The following ANKMY1 variants were observed in gnomAD, a reference collection of about 807,000 sequenced individuals.
ANKMY1 encodes the protein ankyrin repeat and MYND domain-containing protein 1.
A neutral mutation model predicts 102.0 loss-of-function variants in ANKMY1; 98 were observed. The ratio of observed to expected loss-of-function variants is 0.96; its 90% CI spans 0.82 to 1.14. The LOEUF (loss-of-function observed/expected upper bound fraction) is 1.14. Among genes scored for constraint, ANKMY1 ranks in the 50% most tolerant of loss-of-function variants. The probability of loss-of-function intolerance (pLI) is 0.00; values close to 1 mark genes in which losing one functional copy is unlikely to be tolerated. For synonymous variants in ANKMY1, 582 were observed against 559.9 expected (o/e 1.04, Z -0.56); for missense variants, 1,330 against 1,347.6 (o/e 0.99, Z 0.20).
intron 7 of ANKMY1, 119 bp from the exon 8 acceptor site, chr2:240,524,500 T>G: frequency 8.6e-7 from 1 of 1,161,720 alleles, no homozygotes; most frequent in Non-Finnish European, 1.2e-6. Context: ...GCAGCTAGGC[T>G]GAAAAGACCA....
At position 240,552,995 on chromosome 2, in the gene ANKMY1, A is replaced by G; in HGVS notation, c.399T>C (p.Asp133=). The G allele has an allele frequency of 6.2e-7, 1 of 1,614,076 alleles. No homozygotes were observed. Among genetic ancestry groups the G allele is most frequent in the East Asian group, 2.2e-5 (1 of 44,874 alleles). ...CHGLGTYMWP[D]GSSFTGTFYL... ...AAAATGTGCCCGTGAAACTGGAGCC[A>G]TCTGGCCACATGTAGGTACCCAGGC... Residue 133 remains aspartate (D), a synonymous_variant, in exon 4 of 18, where the codon GAT becomes GAC. Transcript: ENST00000401804.
Position 240,523,989 on chromosome 2 carries a change from C to G in ANKMY1, c.1728G>C (p.Glu576Asp). The change falls in exon 8 of 18, where the codon GAG becomes GAC. Residue 576 changes from glutamate to aspartate, a missense_variant. Glu to Asp is a conservative substitution (Grantham distance 45). Transcript: ENST00000401804. ...FSIELSQAMLERSAQSHSLLK... is the reference protein window; with the variant it reads ...FSIELSQAMLDRSAQSHSLLK... ...GCAAGCTGTGGGACTGGGCGCTTCTCTCCAGCATGGCCTGCGAGAGCTCGA... is the reference window on the plus strand; with the variant it reads ...GCAAGCTGTGGGACTGGGCGCTTCTGTCCAGCATGGCCTGCGAGAGCTCGA... 6.2e-7 allele frequency: 1 copy of G among 1,613,962 alleles called. No homozygotes were observed. Among genetic ancestry groups the G allele is most frequent in the Non-Finnish European group, 8.5e-7 (1 of 1,180,048 alleles).
At chr2:240,542,892 A>AT (rs1157477012) in intron 4 of ANKMY1, among the ~76,000 whole-genome samples, 1 of 150,510 alleles carries the variant, frequency 6.6e-6, no homozygotes, top group Non-Finnish European at 1.5e-5. Context: ...TAATTACTTA[A>AT]GTAAATTATT....
At chr2:240,503,219 A>T (rs920499845) in intron 13 of ANKMY1, among the ~76,000 whole-genome samples, 2 of 152,178 alleles carry the variant, frequency 1.3e-5, no homozygotes, top group African/African-American at 4.8e-5. Context: ...TTGAACATGG[A>T]TCTTTCAGTG....
At position 240,500,108 on chromosome 2, in the gene ANKMY1, G is replaced by A. The variant is rs149558313; in HGVS notation, c.2656C>T (p.Arg886Cys). The part of the protein sequence containing the change: ...FRFFQDRRIA[R>C]CPFHTLMPAE... ...GGCATCAGCGTGTGGAAGGGGCAGC[G>A]GGCAATCCTCCGGTCCTGCGGCACA... Residue 886 changes from arginine (R) to cysteine (C), a missense_variant, in exon 15 of 18, where the codon CGC becomes TGC. Arg to Cys is a radical substitution (Grantham distance 180). Coordinates refer to ENST00000401804, the MANE Select transcript of ANKMY1 (RefSeq NM_001282771.3). The A allele has an allele frequency of 3.2e-3, 5,093 of 1,605,644 alleles. 13 individuals carry two copies. Among genetic ancestry groups the A allele is most frequent in the Admixed American group, 3.8e-3 (227 of 59,040 alleles).
In ANKMY1 at chr2:240,526,455, C is replaced by A. The variant is rs774422840; in HGVS notation, c.954-10G>T. 7.4e-6 allele frequency: 12 copies of A among 1,613,854 alleles called. No homozygotes were observed. Among genetic ancestry groups the A allele is most frequent in the South Asian group, 1.1e-5 (1 of 91,092 alleles). On this transcript the variant is annotated splice_polypyrimidine_tract_variant and intron_variant, in intron 5 of 17. Transcript: ENST00000401804. ...GTGAGCTGGCTTGTTCCTGGCAACA[C>A]AACAAGTTTCAGTGGTCCTAGACCA...
At chr2:240,545,654 G>T (rs1316251246) in intron 4 of ANKMY1, among the ~76,000 whole-genome samples, 1 of 152,280 alleles carries the variant, frequency 6.6e-6, no homozygotes, top group Admixed American at 6.5e-5. Context: ...CCAATACAGA[G>T]AAGTGCTTAA....
At chr2:240,540,212 C>A (rs1053892363) in intron 4 of ANKMY1, among the ~76,000 whole-genome samples, 1 of 152,202 alleles carries the variant, frequency 6.6e-6, no homozygotes, top group African/African-American at 2.4e-5. Context: ...TTGGACCTAA[C>A]CAATGTGTGT....
intron 5 of ANKMY1, chr2:240,527,562 G>C (rs1008727184): frequency 6.6e-6 from 1 of 151,640 alleles, no homozygotes; most frequent in African/African-American, 2.4e-5. Context: ...TGGGTGAGTG[G>C]GTGAATTAAT....
chr2:240,557,238 G>A lies in ANKMY1; in HGVS notation c.98C>T (p.Ala33Val). 1 of 1,592,822 alleles carries A rather than the reference G, an allele frequency of 6.3e-7. No individual in the cohort carries two copies. Among genetic ancestry groups the A allele is most frequent in the Non-Finnish European group, 8.6e-7 (1 of 1,168,838 alleles). Residue 33 changes from alanine (A) to valine (V), a missense_variant, in exon 2 of 18, where the codon GCT (alanine) becomes GTT (valine). Transcript: ENST00000401804. ...CTTCAGGGACCCCGGCTCCTCGGCA[G>A]CAGGGGTCTCGCCGCCCTTCCCCTC... ...PLEGKGGETP[A>V]AEEPGSLKNY...
chr2:240,561,057 A>C, upstream of ANKMY1: 3 of 1,497,414 alleles, frequency 2.0e-6, no homozygotes, highest in Non-Finnish European at 2.6e-6. Context: ...CCGCGGCCTC[A>C]GCCTGGCGAA....
chr2:240,488,076 T>C (rs1286211052), intron 15 of ANKMY1, among the ~76,000 whole-genome samples: 1 of 152,176 alleles, frequency 6.6e-6, no homozygotes, highest in Non-Finnish European at 1.5e-5. Flanking sequence ...GAATTTGCCC[T>C]AAATTTTGAA....
In ANKMY1 at chr2:240,495,186, C is replaced by T. The variant is rs550084875; in HGVS notation, c.2806+4772G>A. Among the ~76,000 whole-genome samples, 34 of 152,224 alleles carry T rather than the reference C, an allele frequency of 2.2e-4. No individual in the cohort carries two copies. In the East Asian group the frequency reaches 5.6e-3, roughly 25 times the overall value. ...GGAAGACGCCCGTTACCAAGCGGAC[C>T]GTGGTCTAGCGGTAGTGTCAGTGCC... On this transcript the variant is annotated intron_variant, in intron 15 of 17. Transcript: ENST00000401804.
chr2:240,507,477 C>T lies in ANKMY1; in HGVS notation c.2526+83G>A, dbSNP rs1338093405. 2.7e-6 allele frequency: 4 copies of T among 1,487,776 alleles called. No homozygotes were observed. The African/African-American group carries it at 5.6e-5, about 21-fold the overall frequency. The allele number at this position is 1,487,776 out of a possible 1,614,324, so 92.2% of individuals were successfully genotyped here. The stretch of plus-strand genomic sequence containing the variant: ...TCCCCTCCCCGCTCATCAGGGCCAC[C>T]CAGCCCTCACACCCCTCACTCAGGG... On this transcript the variant is annotated intron_variant, in intron 13 of 17. Transcript: ENST00000401804.
At chr2:240,538,610 C>T (rs2087633852) in intron 4 of ANKMY1, among the ~76,000 whole-genome samples, 1 of 152,192 alleles carries the variant, frequency 6.6e-6, no homozygotes, top group South Asian at 2.1e-4. Flanking sequence ...CCCCCTGCTC[C>T]ACAGCTCCCC....
chr2:240,559,101 C>T (rs918814302), upstream of ANKMY1, among the ~76,000 whole-genome samples: 2 of 152,196 alleles, frequency 1.3e-5, no homozygotes, highest in African/African-American at 4.8e-5. Context: ...GGGACTAGCA[C>T]CAAGTCCAGG....
chr2:240,505,255 A>G (rs1289892094), intron 13 of ANKMY1, among the ~76,000 whole-genome samples: 6 of 152,122 alleles, frequency 3.9e-5, no homozygotes, highest in Admixed American at 2.6e-4. Flanking sequence ...TGAGGTCAGG[A>G]GTTCAAGACC....
chr2:240,507,428 T>C (rs2079279893), intron 13 of ANKMY1, 132 bp downstream of exon 13: 1 of 809,102 alleles, frequency 1.2e-6, no homozygotes, highest in Non-Finnish European at 1.6e-6. Flanking sequence ...CCAGCCCTTA[T>C]ACCCCTCACC....
In ANKMY1 at chr2:240,497,081, T is replaced by C. The variant is rs187849181; in HGVS notation, c.2806+2877A>G. On this transcript the variant is annotated intron_variant, in intron 15 of 17. Coordinates refer to ENST00000401804, the MANE Select transcript of ANKMY1 (RefSeq NM_001282771.3). ...ACCACTTCCTGGCCATCTTGGAAGC[T>C]GAGGATAAGAATGGAGCCGCCACCT... Among the ~76,000 whole-genome samples, 644 of 151,854 alleles carry C rather than the reference T, an allele frequency of 4.2e-3. 5 individuals are homozygous for C. Among genetic ancestry groups the C allele is most frequent in the African/African-American group, 0.015 (620 of 41,478 alleles).
Sources: allele counts gnomAD v4.1 joint callset (sites outside exome capture counted in the v4.1 genomes callset), GRCh38; gene constraint gnomAD v4.1.1; transcripts MANE v1.5; gene names NCBI Gene and HGNC (gene_info 2026-07-23, HGNC 2026-07-21).